The following PALM2AKAP2 variants were observed in gnomAD, a reference collection of about 807,000 sequenced individuals.
PALM2AKAP2 encodes the protein PALM2 and AKAP2 fusion.
In PALM2AKAP2, 37 loss-of-function variants were observed where a neutral mutation model predicts 71.5. The observed-to-expected ratio is 0.52, with a 90% CI of 0.40 to 0.68. PALM2AKAP2 has a LOEUF of 0.68. PALM2AKAP2 is among the 30% of genes least tolerant of loss of function. The pLI, the probability that PALM2AKAP2 is intolerant of heterozygous loss-of-function variation, is 0.00. For synonymous variants in PALM2AKAP2, 468 were observed against 478.8 expected, an observed-to-expected ratio of 0.98 and a Z score of 0.29; for missense variants, 1,224 against 1,191.8, an observed-to-expected ratio of 1.03 and a Z score of -0.40.
chr9:109,653,170 CT>C (rs1323329294), intron 1 of PALM2AKAP2, among the ~76,000 whole-genome samples: 3 of 152,180 alleles, frequency 2.0e-5, no homozygotes, highest in Non-Finnish European at 4.4e-5. Context: ...TGGAGAATGC[CT>C]GCCCCCTTGA....
chr9:109,788,629 G>A (rs1246466366), intron 1 of PALM2AKAP2, among the ~76,000 whole-genome samples: 2 of 152,206 alleles, frequency 1.3e-5, no homozygotes, highest in Non-Finnish European at 2.9e-5. Flanking sequence ...CAATAGTAAA[G>A]GAAGATTATG....
chr9:109,846,896 G>C (rs555826668), intron 1 of PALM2AKAP2, among the ~76,000 whole-genome samples: 2 of 152,162 alleles, frequency 1.3e-5, no homozygotes, highest in Non-Finnish European at 2.9e-5. Context: ...TATAGTCTCT[G>C]TTGAATGTTG....
At chr9:109,840,745 C>T (rs1440588297) in intron 1 of PALM2AKAP2, among the ~76,000 whole-genome samples, 3 of 152,190 alleles carry the variant, frequency 2.0e-5, no homozygotes, top group Non-Finnish European at 1.5e-5. Context: ...GACATTTATG[C>T]AGCCAAAAGA....
intron 1 of PALM2AKAP2, among the ~76,000 whole-genome samples, chr9:109,804,017 G>A (rs1328657105): frequency 2.6e-5 from 4 of 152,174 alleles, no homozygotes; most frequent in Non-Finnish European, 4.4e-5. Context: ...CTCCCAGGTA[G>A]CTCCAGAGAA....
At position 109,998,784 on chromosome 9, in the gene PALM2AKAP2, G is replaced by GAAAAAAT. The variant is rs1564252217; in HGVS notation, c.497-17170_497-17169insAAAAAAT. On this transcript the variant is annotated intron_variant, in intron 6 of 9. Coordinates refer to the PALM2AKAP2 transcript ENST00000302798. Reference sequence around the variant, plus strand: ...TGTCGCAAAAAAAAAAAAAAAAAAGGGGGGATAGTCCATTCTAGCTGCCCA... The same window carrying GAAAAAAT: ...TGTCGCAAAAAAAAAAAAAAAAAAGGAAAAAATGGGGATAGTCCATTCTAGCTGCCCA... Among the ~76,000 whole-genome samples the GAAAAAAT allele has an allele frequency of 8.1e-3, 1,060 of 130,108 alleles. 25 individuals carry two copies. Among genetic ancestry groups the GAAAAAAT allele is most frequent in the African/African-American group, 0.03 (1,023 of 34,152 alleles). The allele number at this position is 130,108 out of a possible 152,430, so 85.4% of individuals were successfully genotyped here.
At chr9:109,963,260 A>G (rs1368106013) in intron 6 of PALM2AKAP2, among the ~76,000 whole-genome samples, 1 of 152,202 alleles carries the variant, frequency 6.6e-6, no homozygotes, top group African/African-American at 2.4e-5. Context: ...GACAAGGTGA[A>G]AGAAGTGGCT....
intron 6 of PALM2AKAP2, among the ~76,000 whole-genome samples, chr9:109,990,032 A>G (rs1588046958): frequency 6.7e-6 from 1 of 149,642 alleles, no homozygotes; most frequent in African/African-American, 2.5e-5. Context: ...CCACTGTTCC[A>G]CTGTTTAAGT....
intron 3 of PALM2AKAP2, among the ~76,000 whole-genome samples, chr9:109,913,416 G>A (rs1830615756): frequency 1.3e-5 from 2 of 152,186 alleles, no homozygotes; most frequent in Admixed American, 1.3e-4. Context: ...TTATAATTGT[G>A]CAAGGAGTAG....
chr9:110,104,701 G>C (rs776890670), intron 1 of PALM2AKAP2, among the ~76,000 whole-genome samples: 4 of 152,210 alleles, frequency 2.6e-5, no homozygotes, highest in Non-Finnish European at 5.9e-5. Context: ...TCTTCGCTCA[G>C]TTGGAATGTG....
At chr9:109,948,429 T>A (rs1831561853) in intron 6 of PALM2AKAP2, among the ~76,000 whole-genome samples, 1 of 152,214 alleles carries the variant, frequency 6.6e-6, no homozygotes, top group African/African-American at 2.4e-5. Flanking sequence ...TATGAAAATA[T>A]AATATGTAAT....
Position 109,674,496 on chromosome 9 carries a change from C to T in PALM2AKAP2, c.5+33630C>T, listed in dbSNP as rs186076829. Reference sequence around the variant, plus strand: ...TTCAGGCAGTTAAGTTACTGGTGGCCTCCCTTAACTTTGTGGAGGGTTGAT... The same window carrying T: ...TTCAGGCAGTTAAGTTACTGGTGGCTTCCCTTAACTTTGTGGAGGGTTGAT... On this transcript the variant is annotated intron_variant, in intron 1 of 6. Coordinates refer to the PALM2AKAP2 transcript ENST00000374531. 5.1e-4 allele frequency among the ~76,000 whole-genome samples: 77 copies of T among 152,150 alleles called. No individual in the cohort carries two copies. In the East Asian group the frequency reaches 7.3e-3, roughly 14 times the overall value.
At chr9:109,943,285 G>T in intron 6 of PALM2AKAP2, 1 of 1,614,226 alleles carries the variant, frequency 6.2e-7, no homozygotes, top group Non-Finnish European at 8.5e-7. Context: ...TGACGGGAAC[G>T]CGGCTGAGCT....
rs145350739 is a variant in PALM2AKAP2 at position 109,687,897 on chromosome 9, G to T, written c.5+47031G>T. 1.2e-3 allele frequency among the ~76,000 whole-genome samples: 180 copies of T among 152,284 alleles called. 1 individual carries two copies. The highest frequency in any genetic ancestry group is 4.1e-3 in the African/African-American group (169 of 41,552). On this transcript the variant is annotated intron_variant, in intron 1 of 6. Coordinates refer to the PALM2AKAP2 transcript ENST00000374531. ...TTGAACACCTAGAGACCATTGTAGG[G>T]TTATTAGTTGGCCTGTTTTCAAAAC...
chr9:109,892,416 A>G (rs1462156521), intron 3 of PALM2AKAP2, among the ~76,000 whole-genome samples: 2 of 152,060 alleles, frequency 1.3e-5, no homozygotes, highest in African/African-American at 4.8e-5. Flanking sequence ...TTACATCTAC[A>G]CAGACCCTTT....
In PALM2AKAP2 at chr9:109,923,848, AG is replaced by A; in HGVS notation, c.372+1del. The A allele has an allele frequency of 2.5e-6, 4 of 1,578,320 alleles. No homozygotes were observed. Among genetic ancestry groups the A allele is most frequent in the Non-Finnish European group, 3.4e-6 (4 of 1,168,562 alleles). Reference sequence around the variant, plus strand: ...GAAAAATCCTTCAAGGACTTTCAGAAGGTGAAGAAAACCAAAACGATTTCTC... The same window carrying A: ...GAAAAATCCTTCAAGGACTTTCAGAAGTGAAGAAAACCAAAACGATTTCTC... On this transcript the variant is annotated frameshift_variant and splice_region_variant, in exon 4 of 10. Transcript: ENST00000302798. LOFTEE classifies it high-confidence loss of function.
chr9:110,085,661 A>T (rs930245757), intron 1 of PALM2AKAP2, among the ~76,000 whole-genome samples: 44 of 152,374 alleles, frequency 2.9e-4, no homozygotes, highest in African/African-American at 1.0e-3. Flanking sequence ...TATGAACCTA[A>T]TAATAAACAC....
chr9:109,704,905 G>A (rs1828117857), intron 1 of PALM2AKAP2, among the ~76,000 whole-genome samples: 1 of 152,174 alleles, frequency 6.6e-6, no homozygotes, highest in Non-Finnish European at 1.5e-5. Context: ...TTAGCCCCCA[G>A]TCCCACATGC....
chr9:110,014,615 A>C (rs1832939616), intron 6 of PALM2AKAP2, among the ~76,000 whole-genome samples: 1 of 150,982 alleles, frequency 6.6e-6, no homozygotes, highest in African/African-American at 2.4e-5. Context: ...TCTACTAAAA[A>C]TACAAAAATT....
chr9:109,863,134 A>G (rs868641530), intron 1 of PALM2AKAP2, among the ~76,000 whole-genome samples: 6 of 152,244 alleles, frequency 3.9e-5, no homozygotes, highest in Non-Finnish European at 4.4e-5. Context: ...CCAAGAATGG[A>G]TGCAGGGAGA....
Sources: gnomAD v4.1 joint callset for allele counts (sites outside exome capture counted in the v4.1 genomes callset) on GRCh38, gnomAD v4.1.1 for gene constraint, MANE v1.5 for transcripts, NCBI Gene and HGNC (gene_info 2026-07-23, HGNC 2026-07-21) for gene names.